The following NRXN3 variants were observed in gnomAD, a reference collection of about 807,000 sequenced individuals.
NRXN3 encodes the protein neurexin 3.
In NRXN3, 32 loss-of-function variants were observed where a neutral mutation model predicts 137.6. The ratio of observed to expected loss-of-function variants is 0.23; its 90% CI spans 0.18 to 0.31. The LOEUF (loss-of-function observed/expected upper bound fraction) is 0.31, where lower values mean the gene tolerates loss of function less well. Among genes scored for constraint, NRXN3 ranks in the 10% least tolerant of loss-of-function variants. NRXN3 has a pLI of 1.00. For synonymous variants in NRXN3, 798 were observed against 784.5 expected (o/e 1.02, Z -0.29); for missense variants, 1,574 against 2,062.5 (o/e 0.76, Z 4.59).
chr14:78,831,663 G>A (rs2098982799), intron 10 of NRXN3, among the ~76,000 whole-genome samples: 1 of 151,728 alleles, frequency 6.6e-6, no homozygotes, highest in Admixed American at 6.6e-5. Flanking sequence ...AGTCCTGTGG[G>A]TTGGAATGCC....
chr14:78,312,496 A>G (rs772376428), intron 4 of NRXN3, among the ~76,000 whole-genome samples: 11 of 152,242 alleles, frequency 7.2e-5, no homozygotes, highest in Non-Finnish European at 1.5e-4. Flanking sequence ...ACTGATTTAC[A>G]AACTGTTGCT....
At chr14:79,644,491 C>A (rs2098445390) in intron 16 of NRXN3, among the ~76,000 whole-genome samples, 1 of 135,444 alleles carries the variant, frequency 7.4e-6, no homozygotes, top group Non-Finnish European at 1.7e-5. Context: ...TTATCTGAGG[C>A]TTTCCCATTT....
chr14:79,536,064 A>T (rs2097208443), intron 16 of NRXN3, among the ~76,000 whole-genome samples: 2 of 152,164 alleles, frequency 1.3e-5, no homozygotes, highest in South Asian at 4.1e-4. Context: ...AATGTGTTTG[A>T]TGAGAGGATG....
At chr14:78,250,685 C>G (rs1462398731) in intron 2 of NRXN3, among the ~76,000 whole-genome samples, 1 of 152,218 alleles carries the variant, frequency 6.6e-6, no homozygotes, top group Non-Finnish European at 1.5e-5. Flanking sequence ...GACCCAGACC[C>G]TGAACGTGTC....
At chr14:79,392,866 A>G (rs2094895913) in intron 15 of NRXN3, among the ~76,000 whole-genome samples, 1 of 147,474 alleles carries the variant, frequency 6.8e-6, no homozygotes, top group African/African-American at 2.5e-5. Context: ...GCTACTTGGG[A>G]GTCTGAGGCA....
chr14:78,659,559 G>C (rs1252187004), intron 6 of NRXN3, among the ~76,000 whole-genome samples: 1 of 151,996 alleles, frequency 6.6e-6, no homozygotes, highest in Non-Finnish European at 1.5e-5. Context: ...GCACACGCCT[G>C]TGGTCCCAGG....
chr14:78,985,150 C>G (rs527453025), intron 14 of NRXN3, among the ~76,000 whole-genome samples: 1 of 152,262 alleles, frequency 6.6e-6, no homozygotes, highest in East Asian at 1.9e-4. Flanking sequence ...TTGCAGAGTG[C>G]AGACATGCTC....
At chr14:79,025,358 T>C (rs561887204) in intron 15 of NRXN3, among the ~76,000 whole-genome samples, 6 of 152,200 alleles carry the variant, frequency 3.9e-5, no homozygotes, top group Non-Finnish European at 7.4e-5. Context: ...ATAGTAATCA[T>C]CAGGCTCTGA....
At chr14:78,605,765 TGTA>T (rs996669864) in intron 4 of NRXN3, among the ~76,000 whole-genome samples, 2 of 152,122 alleles carry the variant, frequency 1.3e-5, no homozygotes, top group African/African-American at 4.8e-5. Context: ...TGTTAAATGG[TGTA>T]GTAGTAAACC....
chr14:79,818,299 C>T (rs888933433), intron 20 of NRXN3, among the ~76,000 whole-genome samples: 15 of 151,958 alleles, frequency 9.9e-5, no homozygotes, highest in African/African-American at 3.1e-4. Context: ...GTGATCCGCC[C>T]GCCTCGGCCT....
At chr14:79,147,679 A>G (rs914178041) in intron 15 of NRXN3, among the ~76,000 whole-genome samples, 13 of 152,128 alleles carry the variant, frequency 8.5e-5, no homozygotes, top group African/African-American at 2.9e-4. Context: ...TTTGTTTTGT[A>G]TCAAATGCTT....
intron 15 of NRXN3, among the ~76,000 whole-genome samples, chr14:79,297,179 T>C (rs2084325587): frequency 6.6e-6 from 1 of 152,238 alleles, no homozygotes; most frequent in Admixed American, 6.5e-5. Flanking sequence ...TCTCATAACC[T>C]TCTAGAACTC....
intron 1 of NRXN3, among the ~76,000 whole-genome samples, chr14:78,179,635 C>G (rs1161212245): frequency 1.3e-5 from 2 of 152,036 alleles, no homozygotes; most frequent in Admixed American, 1.3e-4. Flanking sequence ...TCTCCCAGAG[C>G]CTTCAGGAGG....
intron 15 of NRXN3, among the ~76,000 whole-genome samples, chr14:79,060,334 A>G (rs1162384673): frequency 6.6e-6 from 1 of 152,210 alleles, no homozygotes; most frequent in Non-Finnish European, 1.5e-5. Flanking sequence ...GACTGTTTTT[A>G]GTTGAATACT....
At chr14:79,319,669 C>T (rs375368913) in intron 15 of NRXN3, among the ~76,000 whole-genome samples, 1 of 152,150 alleles carries the variant, frequency 6.6e-6, no homozygotes, top group East Asian at 1.9e-4. Flanking sequence ...CTTTCCTGGA[C>T]AGATTTTTAT....
At chr14:79,375,518 G>A (rs568888513) in intron 15 of NRXN3, among the ~76,000 whole-genome samples, 2 of 152,092 alleles carry the variant, frequency 1.3e-5, no homozygotes, top group Admixed American at 6.5e-5. Flanking sequence ...GGAGGAACAC[G>A]TGTCTCTTTC....
At chr14:78,878,402 A>G (rs72685463) in intron 10 of NRXN3, among the ~76,000 whole-genome samples, 5,474 of 152,264 alleles carry the variant, frequency 0.036, 148 homozygotes, top group Non-Finnish European at 0.052. Flanking sequence ...TTGAAAAGTC[A>G]TAAGCAATTC....
chr14:79,541,868 T>G (rs1350208178), intron 16 of NRXN3, among the ~76,000 whole-genome samples: 7 of 152,152 alleles, frequency 4.6e-5, no homozygotes, highest in Admixed American at 1.3e-4. Flanking sequence ...AAACCTATTG[T>G]AGGAATTTGA....
At chr14:79,213,263 G>A (rs1191165164) in intron 15 of NRXN3, among the ~76,000 whole-genome samples, 1 of 152,124 alleles carries the variant, frequency 6.6e-6, no homozygotes, top group Non-Finnish European at 1.5e-5. Context: ...TTATATCCAA[G>A]TAATGTGTAA....
Sources: allele counts gnomAD v4.1 joint callset (sites outside exome capture counted in the v4.1 genomes callset), GRCh38; gene constraint gnomAD v4.1.1; transcripts MANE v1.5; gene names NCBI Gene and HGNC (gene_info 2026-07-23, HGNC 2026-07-21).